Variants in MSANTD3 observed in about 807,000 individuals in gnomAD.
MSANTD3 encodes myb/SANT-like DNA-binding domain-containing protein 3.
A neutral mutation model predicts 27.7 loss-of-function variants in MSANTD3; 11 were observed. The ratio of observed to expected loss-of-function variants is 0.40; its 90% CI spans 0.25 to 0.66. The LOEUF is 0.66. Ranked by LOEUF, MSANTD3 falls within the 30% of genes least tolerant of loss-of-function variation. The pLI, the probability that MSANTD3 is intolerant of heterozygous loss-of-function variation, is 0.41. For missense variants in MSANTD3, 250 were observed against 336.5 expected, an observed-to-expected ratio of 0.74 and a Z score of 2.01; for synonymous variants, 131 against 127.2, an observed-to-expected ratio of 1.03 and a Z score of -0.20.
Position 100,450,687 on chromosome 9 carries a change from C to T in MSANTD3, c.549C>T (p.Tyr183=), listed in dbSNP as rs1836864429. ...TCAGAATAACAGCCAATAAAAACTACAGGAGCAAAACCTCTCAGGAAGGTG... is the reference window on the plus strand; with the variant it reads ...TCAGAATAACAGCCAATAAAAACTATAGGAGCAAAACCTCTCAGGAAGGTG... The part of the protein sequence containing the change: ...SAVRITANKN[Y]RSKTSQEGAL... Residue 183 remains tyrosine, a synonymous_variant, in exon 3 of 3, where the codon TAC becomes TAT. Coordinates refer to ENST00000395067, the MANE Select transcript of MSANTD3 (RefSeq NM_080655.3). The T allele has an allele frequency of 2.5e-6, 4 of 1,614,146 alleles. No homozygotes were observed. Among genetic ancestry groups the T allele is most frequent in the East Asian group, 2.2e-5 (1 of 44,880 alleles).
intron 1 of MSANTD3, among the ~76,000 whole-genome samples, chr9:100,433,854 G>A (rs1274708192): frequency 6.6e-6 from 1 of 152,108 alleles, no homozygotes; most frequent in Non-Finnish European, 1.5e-5. Flanking sequence ...TTCTGAATAT[G>A]TTAAGTCTTT....
chr9:100,448,816 T>C, intron 2 of MSANTD3: 1 of 985,434 alleles, frequency 1.0e-6, no homozygotes, highest in Non-Finnish European at 1.2e-6. Flanking sequence ...ATTTTCATTA[T>C]TTCTGGATGG....
At chr9:100,435,006 GTAT>G (rs1434062564) in intron 1 of MSANTD3, among the ~76,000 whole-genome samples, 2 of 152,192 alleles carry the variant, frequency 1.3e-5, no homozygotes, top group Non-Finnish European at 2.9e-5. Context: ...CACACACACA[GTAT>G]TATTCTACTT....
chr9:100,448,680 G>A, intron 2 of MSANTD3: 1 of 985,396 alleles, frequency 1.0e-6, no homozygotes, highest in Non-Finnish European at 1.2e-6. Context: ...TTAGAGACTT[G>A]AAAGGGAGGT....
chr9:100,434,524 T>C (rs1037927864), intron 1 of MSANTD3, among the ~76,000 whole-genome samples: 4 of 150,280 alleles, frequency 2.7e-5, no homozygotes, highest in African/African-American at 4.9e-5. Flanking sequence ...AGCTAGACTC[T>C]GTCTCTCAAA....
intron 1 of MSANTD3, among the ~76,000 whole-genome samples, chr9:100,429,165 T>A (rs970786282): frequency 6.6e-6 from 1 of 152,156 alleles, no homozygotes; most frequent in Non-Finnish European, 1.5e-5. Context: ...GGGTGGTTTA[T>A]TTTGTTTTTA....
chr9:100,443,564 C>G (rs1836681928), intron 2 of MSANTD3, among the ~76,000 whole-genome samples: 1 of 151,808 alleles, frequency 6.6e-6, no homozygotes, highest in South Asian at 2.1e-4. Context: ...TTGAAAAGCT[C>G]CAAAAGAAAT....
intron 1 of MSANTD3, 57 bp from the exon 2 acceptor site, chr9:100,441,849 T>G (rs143203178): frequency 1.1e-4 from 171 of 1,501,524 alleles, no homozygotes; most frequent in Non-Finnish European, 1.5e-4. Context: ...CTTCAGTGAT[T>G]TATAGGCATT....
intron 2 of MSANTD3, among the ~76,000 whole-genome samples, chr9:100,443,144 A>C (rs1243863559): frequency 4.6e-5 from 7 of 152,202 alleles, no homozygotes; most frequent in Non-Finnish European, 2.9e-5. Flanking sequence ...TCATGCCTGT[A>C]ATCCCAGCAC....
At chr9:100,449,247 G>A (rs929374029) in intron 2 of MSANTD3, 40 of 985,252 alleles carry the variant, frequency 4.1e-5, no homozygotes, top group Admixed American at 1.2e-4. Flanking sequence ...AATAAAAAAA[G>A]CAGGGCAAAC....
rs573222215 is a variant in MSANTD3, at chr9:100,431,518, G to T, written c.-34+4125G>T. ...GAGTATCACTGTGTTGCCCAGGCTG[G>T]TCTCAAACTTCTGGCATCAAGCAGT... On this transcript the variant is annotated intron_variant, in intron 1 of 2. Transcript: ENST00000395067. Among the ~76,000 whole-genome samples, 3 of 147,950 alleles carry T rather than the reference G, an allele frequency of 2.0e-5. No individual in the cohort carries two copies. In the South Asian group the frequency reaches 6.6e-4, roughly 33 times the overall value.
chr9:100,440,998 C>T (rs1384899181), intron 1 of MSANTD3, among the ~76,000 whole-genome samples: 5 of 143,824 alleles, frequency 3.5e-5, no homozygotes, highest in Admixed American at 2.1e-4. Flanking sequence ...TGCAGTGGCA[C>T]GATCTTGGCT....
intron 1 of MSANTD3, among the ~76,000 whole-genome samples, chr9:100,431,987 A>C (rs1836385996): frequency 6.6e-6 from 1 of 152,116 alleles, no homozygotes; most frequent in Non-Finnish European, 1.5e-5. Context: ...GGGATGGTTT[A>C]AGATGGAGTG....
chr9:100,443,471 G>A (rs112159024), intron 2 of MSANTD3, among the ~76,000 whole-genome samples: 1,898 of 151,798 alleles, frequency 0.013, 38 homozygotes, highest in African/African-American at 0.043. Flanking sequence ...GCCTGTTTTA[G>A]CATTCACCCA....
At chr9:100,435,561 C>T (rs868589606) in intron 1 of MSANTD3, among the ~76,000 whole-genome samples, 8 of 152,174 alleles carry the variant, frequency 5.3e-5, no homozygotes, top group Non-Finnish European at 8.8e-5. Context: ...AAATTGGATT[C>T]TTGCAGTTCT....
Position 100,451,467 on chromosome 9 carries a change from A to T in MSANTD3, c.*501A>T, listed in dbSNP as rs1436457489. 1.3e-5 allele frequency: 2 copies of T among 148,236 alleles called. No individual in the cohort carries two copies. Among genetic ancestry groups the T allele is most frequent in the African/African-American group, 2.5e-5 (1 of 39,864 alleles). The allele number at this position is 148,236 out of a possible 1,614,324, so 9.2% of individuals were successfully genotyped here. A position where few individuals can be genotyped will look rare whatever the true frequency, so the allele number is the denominator to read the frequency against. On this transcript the variant is annotated 3_prime_UTR_variant, in exon 3 of 3. Transcript: ENST00000395067. ...GAGGTCTTTAGGGAACCTCCGTGAG[A>T]GCTGCAGCACCTTTTTAATTTTCTC...
chr9:100,430,527 T>C (rs1247709641), intron 1 of MSANTD3, among the ~76,000 whole-genome samples: 13 of 152,084 alleles, frequency 8.5e-5, no homozygotes, highest in Non-Finnish European at 1.9e-4. Context: ...GGGACTTTTA[T>C]CGTTTAGGCA....
chr9:100,450,173 G>A (rs1016354796), intron 2 of MSANTD3, among the ~76,000 whole-genome samples: 3 of 151,960 alleles, frequency 2.0e-5, no homozygotes, highest in Non-Finnish European at 4.4e-5. Flanking sequence ...GACTGATAGA[G>A]AACTTAATTT....
chr9:100,438,863 G>A (rs775040812), intron 1 of MSANTD3, among the ~76,000 whole-genome samples: 2 of 152,182 alleles, frequency 1.3e-5, no homozygotes, highest in African/African-American at 2.4e-5. Flanking sequence ...GAAGGAGCCT[G>A]GATTGGGTAT....
Sources: allele counts gnomAD v4.1 joint callset (sites outside exome capture counted in the v4.1 genomes callset), GRCh38; gene constraint gnomAD v4.1.1; transcripts MANE v1.5; gene names NCBI Gene and HGNC (gene_info 2026-07-23, HGNC 2026-07-21).